GMNC: variants seen among roughly 807,000 people sequenced by gnomAD.
GMNC encodes the protein geminin coiled-coil domain containing, also known as geminin coiled-coil domain-containing protein 1.
In GMNC, 16 loss-of-function variants were observed where a neutral mutation model predicts 33.6. That is an observed-to-expected ratio of 0.48 (90% CI 0.32 to 0.72). The LOEUF (loss-of-function observed/expected upper bound fraction) is 0.72, where lower values mean the gene tolerates loss of function less well. Ranked by LOEUF, GMNC falls within the 30% of genes least tolerant of loss-of-function variation. GMNC has a pLI of 0.03. For missense variants in GMNC, 393 were observed against 388.9 expected, an observed-to-expected ratio of 1.01 and a Z score of -0.09; for synonymous variants, 156 against 147.3, an observed-to-expected ratio of 1.06 and a Z score of -0.43.
chr3:190,852,154 C>G (rs1737644949), downstream of GMNC, among the ~76,000 whole-genome samples: 1 of 151,426 alleles, frequency 6.6e-6, no homozygotes, highest in African/African-American at 2.4e-5. Context: ...AATTATATAC[C>G]CTGACCTTAC....
chr3:190,859,024 A>G lies in GMNC; in HGVS notation c.179-8T>C. The G allele has an allele frequency of 6.7e-7, 1 of 1,485,592 alleles. No homozygotes were observed. The highest frequency in any genetic ancestry group is 1.4e-5 in the African/African-American group (1 of 71,914). 92.0% of individuals were successfully genotyped at this position (1,485,592 alleles called of 1,614,324 possible). A position where few individuals can be genotyped will look rare whatever the true frequency, so the allele number is the denominator to read the frequency against. ...TTGAGTCACTGAATGATTCTGTGAA[A>G]ATACAAATAGATAACTGAGAAAATA... On this transcript the variant is annotated splice_region_variant and splice_polypyrimidine_tract_variant and intron_variant, in intron 2 of 4. Coordinates refer to ENST00000442080, the MANE Select transcript of GMNC (RefSeq NM_001146686.3).
chr3:190,856,536 T>C (rs1053316253), intron 4 of GMNC, among the ~76,000 whole-genome samples: 24 of 137,848 alleles, frequency 1.7e-4, no homozygotes, highest in Non-Finnish European at 3.1e-4. Context: ...CATTTATAAA[T>C]GAACTATCAT....
At chr3:190,850,508 G>A (rs1022050375), downstream of GMNC, among the ~76,000 whole-genome samples, 1 of 152,210 alleles carries the variant, frequency 6.6e-6, no homozygotes, top group African/African-American at 2.4e-5. Flanking sequence ...AGAAATTCGT[G>A]TCCGTTTGCA....
At chr3:190,860,611 C>T (rs966809795) in intron 2 of GMNC, 73 bp downstream of exon 2, 13 of 1,320,316 alleles carry the variant, frequency 9.8e-6, no homozygotes, top group Admixed American at 4.8e-5. Flanking sequence ...GAGTCCCAGC[C>T]CATGATGCTC....
chr3:190,855,977 T>C, intron 4 of GMNC, 62 bp from the exon 5 acceptor site: 1 of 1,294,894 alleles, frequency 7.7e-7, no homozygotes, highest in Non-Finnish European at 1.0e-6. Flanking sequence ...ACTAAATTAT[T>C]TCGGAAAAAA....
At chr3:190,848,716 C>A (rs1484458823), downstream of GMNC, among the ~76,000 whole-genome samples, 2 of 152,080 alleles carry the variant, frequency 1.3e-5, no homozygotes, top group Non-Finnish European at 2.9e-5. Flanking sequence ...ATACACGGTC[C>A]TTAAAAGTTA....
intron 3 of GMNC, chr3:190,858,134 T>C (rs548871697): frequency 2.2e-6 from 1 of 454,824 alleles, no homozygotes; most frequent in East Asian, 3.2e-5. Context: ...GAGATTATAA[T>C]AGACTTTTAA....
At chr3:190,859,128 C>T (rs1351077019) in intron 2 of GMNC, 112 bp from the exon 3 acceptor site, 7 of 668,470 alleles carry the variant, frequency 1.0e-5, no homozygotes, top group Non-Finnish European at 1.8e-5. Flanking sequence ...TTTTCTTAAA[C>T]AGCTATTGCT....
rs1319728267 is a variant in GMNC at position 190,861,254 on chromosome 3, TTAATTA to T, written c.4-402_4-397del. 6.6e-6 allele frequency among the ~76,000 whole-genome samples: 1 copy of T among 152,226 alleles called. No homozygotes were observed. Among genetic ancestry groups the T allele is most frequent in the Non-Finnish European group, 1.5e-5 (1 of 68,042 alleles). Reference sequence around the variant, plus strand: ...CTATTTGGTTCTTTCTGCAAATACCTTAATTATATTTCTAAAACTCCTGAAGGACAA... The same window carrying T: ...CTATTTGGTTCTTTCTGCAAATACCTTATTTCTAAAACTCCTGAAGGACAA... On this transcript the variant is annotated intron_variant, in intron 1 of 4. Transcript: ENST00000442080. This position sits in a 1 kb window ranked among gnomAD's most constrained non-coding sequence, Gnocchi z 5.1.
rs145134107 is a variant in GMNC at position 190,862,418 on chromosome 3, GAA to G, written c.3+193_3+194del. ...GAGAAAGAAGAGGGAGAGAGGGAGA[GAA>G]AGAGAGAGAGAGAGAGAGAAAGCAG... On this transcript the variant is annotated intron_variant, in intron 1 of 4. Coordinates refer to ENST00000442080, the MANE Select transcript of GMNC (RefSeq NM_001146686.3). The surrounding 1 kb of genome is among the most constrained non-coding windows in gnomAD (Gnocchi z 4.5). 5.6e-4 allele frequency among the ~76,000 whole-genome samples: 80 copies of G among 141,870 alleles called. No homozygotes were observed. The highest frequency in any genetic ancestry group is 2.8e-3 in the South Asian group (13 of 4,654). The allele number at this position is 141,870 out of a possible 152,430, so 93.1% of individuals were successfully genotyped here.
chr3:190,858,709 A>G (rs559686260), intron 3 of GMNC, among the ~76,000 whole-genome samples: 11 of 152,348 alleles, frequency 7.2e-5, no homozygotes, highest in African/African-American at 2.6e-4. Context: ...TAAAATGTGT[A>G]AAGTGAGAGC....
downstream of GMNC, among the ~76,000 whole-genome samples, chr3:190,848,100 A>G (rs1245398248): frequency 1.3e-5 from 2 of 152,210 alleles, no homozygotes; most frequent in African/African-American, 4.8e-5. Flanking sequence ...TACCATACTG[A>G]TACCAATGTC....
intron 1 of GMNC, 65 bp from the exon 2 acceptor site, chr3:190,860,923 G>A (rs4264774): frequency 1.7e-5 from 19 of 1,140,660 alleles, no homozygotes; most frequent in South Asian, 3.4e-5. Context: ...ATTTAGAAGG[G>A]GGAAAGGGTG....
intron 2 of GMNC, 131 bp from the exon 3 acceptor site, chr3:190,859,147 G>A: frequency 1.7e-6 from 1 of 594,262 alleles, no homozygotes; most frequent in Non-Finnish European, 2.9e-6. Context: ...CTGCCATACA[G>A]GAAAACAAGA....
the GMNC span, among the ~76,000 whole-genome samples, chr3:190,846,529 A>G: frequency 6.6e-6 from 1 of 152,226 alleles, no homozygotes; most frequent in Non-Finnish European, 1.5e-5. Context: ...ATATGCAAAT[A>G]ACTGAAGTAA....
chr3:190,851,010 G>C (rs1010588888), downstream of GMNC, among the ~76,000 whole-genome samples: 1 of 152,072 alleles, frequency 6.6e-6, no homozygotes, highest in African/African-American at 2.4e-5. Context: ...ATAAAATCCA[G>C]GTTATCCATG....
At chr3:190,848,930 C>T (rs1455156244), downstream of GMNC, among the ~76,000 whole-genome samples, 3 of 152,112 alleles carry the variant, frequency 2.0e-5, no homozygotes, top group Non-Finnish European at 2.9e-5. Flanking sequence ...TCTCTGTATT[C>T]GGATCAACTG....
At position 190,859,010 on chromosome 3, in the gene GMNC, A is replaced by C; in HGVS notation, c.185T>G (p.Phe62Cys). The change falls in exon 3 of 5, where the codon TTC becomes TGC. Residue 62 changes from phenylalanine to cysteine, a missense_variant. Coordinates refer to ENST00000442080, the MANE Select transcript of GMNC (RefSeq NM_001146686.3). ...LQQAPQAQES[F>C]SDSNFPLPDL... ...CGGAAGAGGAAAATTTGAGTCACTG[A>C]ATGATTCTGTGAAAATACAAATAGA... 6.5e-7 allele frequency: 1 copy of C among 1,540,554 alleles called. No homozygotes were observed. The highest frequency in any genetic ancestry group is 8.8e-7 in the Non-Finnish European group (1 of 1,137,156).
rs1737854877 is a variant in GMNC at position 190,861,031 on chromosome 3, TA to T, written c.4-174del. 6.6e-6 allele frequency among the ~76,000 whole-genome samples: 1 copy of T among 152,192 alleles called. No individual in the cohort carries two copies. The highest frequency in any genetic ancestry group is 2.4e-5 in the African/African-American group (1 of 41,456). ...TATTAATTTTGGGGTGGTCAAATTA[TA>T]ATTACTAAAAGGGAATGAGTTTCTT... On this transcript the variant is annotated intron_variant, in intron 1 of 4. Transcript: ENST00000442080. The surrounding 1 kb of genome is among the most constrained non-coding windows in gnomAD (Gnocchi z 5.1).
Sources: allele counts gnomAD v4.1 joint callset (sites outside exome capture counted in the v4.1 genomes callset), GRCh38; gene constraint gnomAD v4.1.1; non-coding constraint Gnocchi (gnomAD v3.1); transcripts MANE v1.5; gene names NCBI Gene and HGNC (gene_info 2026-07-23, HGNC 2026-07-21).